The following MED12L variants were observed in gnomAD, a reference collection of about 807,000 sequenced individuals.
MED12L encodes mediator complex subunit 12L.
MED12L carries 60 observed loss-of-function variants against 281.3 expected under a neutral mutation model. The ratio of observed to expected loss-of-function variants is 0.21; its 90% confidence interval spans 0.17 to 0.26. The LOEUF is 0.26. MED12L is among the 10% of genes least tolerant of loss of function. The pLI, the probability that MED12L is intolerant of heterozygous loss-of-function variation, is 1.00. For synonymous variants in MED12L, 974 were observed against 987.2 expected (o/e 0.99, Z 0.25); for missense variants, 2,146 against 2,680.9 (o/e 0.80, Z 4.41).
intron 5 of MED12L, among the ~76,000 whole-genome samples, chr3:151,133,857 G>A (rs571563369): frequency 6.6e-6 from 1 of 152,298 alleles, no homozygotes; most frequent in South Asian, 2.1e-4. Flanking sequence ...ATTGAGTTAT[G>A]CAATTGAAGT....
intron 16 of MED12L, chr3:151,212,455 A>AAT (rs1727322911): frequency 6.6e-6 from 1 of 152,192 alleles, no homozygotes; most frequent in African/African-American, 2.4e-5. Flanking sequence ...CCAGTAGATT[A>AAT]ATATATGTTC....
chr3:151,232,558 T>C (rs556749721), intron 16 of MED12L, among the ~76,000 whole-genome samples: 1 of 152,136 alleles, frequency 6.6e-6, no homozygotes, highest in Non-Finnish European at 1.5e-5. Flanking sequence ...CAGTGACAGA[T>C]TGGATAAAGA....
rs759001838 is a variant in MED12L, at chr3:151,305,810, A to G, written c.2251-44249A>G. On this transcript the variant is annotated intron_variant, in intron 16 of 44. Transcript: ENST00000687756. ...CCATCAAGCTTGTGAAGGAACTGCT[A>G]ATCTTCCAAACTAGAGGTCTAGTTT... is the stretch of plus-strand genomic sequence containing the variant. Among the ~76,000 whole-genome samples, 47 of 152,314 alleles carry G rather than the reference A, an allele frequency of 3.1e-4. 1 individual carries two copies. Among genetic ancestry groups the G allele is most frequent in the African/African-American group, 9.1e-4 (38 of 41,568 alleles).
chr3:151,159,526 A>G (rs1371943846), intron 7 of MED12L, among the ~76,000 whole-genome samples: 1 of 152,246 alleles, frequency 6.6e-6, no homozygotes, highest in Non-Finnish European at 1.5e-5. Flanking sequence ...TTTCAGACTT[A>G]GTATGGAAAA....
At chr3:151,411,653 T>G in intron 41 of MED12L, 146 bp downstream of exon 41, 1 of 694,280 alleles carries the variant, frequency 1.4e-6, no homozygotes, top group East Asian at 2.7e-5. Flanking sequence ...TCGTTTTTAG[T>G]AGTATCCAGA....
chr3:151,350,716 A>T (rs1349817445), intron 17 of MED12L, among the ~76,000 whole-genome samples: 2 of 152,188 alleles, frequency 1.3e-5, no homozygotes, highest in Non-Finnish European at 2.9e-5. Flanking sequence ...GTAGGTAGTG[A>T]TGGCTACCTA....
chr3:151,384,916 G>A (rs966773562), intron 35 of MED12L, 114 bp from the exon 36 acceptor site: 17 of 718,366 alleles, frequency 2.4e-5, no homozygotes, highest in Non-Finnish European at 4.3e-5. Context: ...AAGAACATGC[G>A]CTAAGCTATA....
intron 16 of MED12L, among the ~76,000 whole-genome samples, chr3:151,202,233 A>G (rs1398071118): frequency 2.0e-5 from 3 of 152,264 alleles, no homozygotes; most frequent in African/African-American, 4.8e-5. Context: ...CTGTGTCACA[A>G]GTTTGAGAAC....
intron 16 of MED12L, among the ~76,000 whole-genome samples, chr3:151,234,053 T>C (rs59257241): frequency 0.016 from 2,446 of 152,334 alleles, 61 homozygotes; most frequent in African/African-American, 0.057. Context: ...ATTCACTCAC[T>C]CTGTAGCTGA....
rs1373604021 is a variant in MED12L at position 151,372,589 on chromosome 3, C to G, written c.3687C>G (p.Asn1229Lys). Residue 1229 changes from asparagine to lysine, a missense_variant, in exon 27 of 45, where the codon AAC becomes AAG. Asn to Lys is a moderately conservative substitution (Grantham distance 94). This residue lies in a region of MED12L where 235 missense variants were observed against 260.3 expected (regional missense o/e 0.90). Coordinates refer to ENST00000687756, the MANE Select transcript of MED12L (RefSeq NM_001393769.1). ...TAGGAGATGCCAAAATTGGCAATAA[C>G]AGTGTCAGCTCTTTAAAGAATGATG... ...MMLGDAKIGN[N>K]SVSSLKNDDF... 6.2e-7 allele frequency: 1 copy of G among 1,613,768 alleles called. No individual in the cohort carries two copies. The highest frequency in any genetic ancestry group is 8.5e-7 in the Non-Finnish European group (1 of 1,179,760).
intron 2 of MED12L, among the ~76,000 whole-genome samples, chr3:151,102,689 T>G (rs1256514088): frequency 6.6e-6 from 1 of 152,166 alleles, no homozygotes; most frequent in Non-Finnish European, 1.5e-5. Context: ...CCCAGGCTGG[T>G]CTTGAATTCC....
intron 16 of MED12L, among the ~76,000 whole-genome samples, chr3:151,243,217 C>T (rs1175669851): frequency 6.6e-6 from 1 of 151,742 alleles, no homozygotes; most frequent in East Asian, 1.9e-4. Context: ...GGAGAACTTC[C>T]CCAATCTAGC....
At chr3:151,243,721 T>G (rs1340183378) in intron 16 of MED12L, among the ~76,000 whole-genome samples, 1 of 150,190 alleles carries the variant, frequency 6.7e-6, no homozygotes, top group Non-Finnish European at 1.5e-5. Context: ...ACGAGCAAAA[T>G]AACCAGCTAA....
At chr3:151,145,866 C>T (rs1337753602) in intron 5 of MED12L, among the ~76,000 whole-genome samples, 1 of 152,192 alleles carries the variant, frequency 6.6e-6, no homozygotes, top group East Asian at 1.9e-4. Context: ...TAGGGTGTTT[C>T]CTCTTCTGCC....
chr3:151,430,451 T>C, intron 44 of MED12L, 71 bp downstream of exon 44: 1 of 1,600,986 alleles, frequency 6.2e-7, no homozygotes, highest in Non-Finnish European at 8.5e-7. Flanking sequence ...AAACGTAAAG[T>C]GGCGGCTCTC....
chr3:151,424,608 A>AGGCCTGTCTGG (rs1718648744), intron 43 of MED12L, among the ~76,000 whole-genome samples: 1 of 141,854 alleles, frequency 7.0e-6, no homozygotes, highest in Non-Finnish European at 1.6e-5. Context: ...ACGACTGAGC[A>AGGCCTGTCTGG]AAACTCTGTC....
intron 7 of MED12L, among the ~76,000 whole-genome samples, chr3:151,159,133 T>G (rs1030027223): frequency 6.6e-6 from 1 of 152,204 alleles, no homozygotes. Context: ...AAACAAATCA[T>G]CCCTTTTGAA....
At chr3:151,306,078 T>G (rs553370011) in intron 16 of MED12L, among the ~76,000 whole-genome samples, 2 of 152,220 alleles carry the variant, frequency 1.3e-5, no homozygotes, top group Admixed American at 1.3e-4. Flanking sequence ...TCAGTTGATT[T>G]GGCAATGATT....
At chr3:151,358,562 T>A (rs1754218354) in intron 20 of MED12L, among the ~76,000 whole-genome samples, 1 of 151,364 alleles carries the variant, frequency 6.6e-6, no homozygotes, top group South Asian at 2.1e-4. Flanking sequence ...TTGTGACAAG[T>A]TTTTTTGTTT....
Sources: allele counts gnomAD v4.1 joint callset (sites outside exome capture counted in the v4.1 genomes callset), GRCh38; gene constraint gnomAD v4.1.1; regional missense constraint gnomAD v4.1.1; transcripts MANE v1.5; gene names NCBI Gene and HGNC (gene_info 2026-07-23, HGNC 2026-07-21).